The following HYDIN variants were observed in gnomAD, a reference collection of about 807,000 sequenced individuals.
The protein encoded by HYDIN is axonemal central pair apparatus protein HYDIN.
A neutral mutation model predicts 403.9 loss-of-function variants in HYDIN; 132 were observed. The ratio of observed to expected loss-of-function variants is 0.33; its 90% CI spans 0.28 to 0.38. HYDIN has a LOEUF of 0.38. Among genes scored for constraint, HYDIN ranks in the 10% least tolerant of loss-of-function variants. The pLI, the probability that HYDIN is intolerant of heterozygous loss-of-function variation, is 1.00. For synonymous variants in HYDIN, 1,202 were observed against 1,891.7 expected, an observed-to-expected ratio of 0.64 and a Z score of 9.46; for missense variants, 2,827 against 5,009.5, an observed-to-expected ratio of 0.56 and a Z score of 13.15.
At chr16:71,162,354 ATT>A (rs1280647730) in intron 6 of HYDIN, among the ~76,000 whole-genome samples, 175 bp downstream of exon 6, 7 of 142,638 alleles carry the variant, frequency 4.9e-5, no homozygotes. Context: ...TAAACCTTGA[ATT>A]TTTGTTTCCT....
intron 84 of HYDIN, 75 bp from the exon 85 acceptor site, chr16:70,810,082 G>T: frequency 1.5e-6 from 2 of 1,372,852 alleles, no homozygotes; most frequent in South Asian, 2.4e-5. Flanking sequence ...CCTGCCCAAG[G>T]CTCCATAGCA....
intron 4 of HYDIN, among the ~76,000 whole-genome samples, chr16:71,178,432 A>AT (rs1555501903): frequency 0.018 from 1,474 of 80,564 alleles, 3 homozygotes; most frequent in Middle Eastern, 0.039. Context: ...AAAAAAAAAA[A>AT]AAATATATAT....
At chr16:70,919,390 C>T (rs11864547) in intron 46 of HYDIN, among the ~76,000 whole-genome samples, 10 of 151,752 alleles carry the variant, frequency 6.6e-5, no homozygotes, top group African/African-American at 2.2e-4. Flanking sequence ...CTGGGAAGGG[C>T]GTAGAGCTGA....
chr16:71,086,761 G>T (rs7200916), intron 12 of HYDIN, among the ~76,000 whole-genome samples: 195 of 152,048 alleles, frequency 1.3e-3, no homozygotes, highest in African/African-American at 4.4e-3. Flanking sequence ...CTTATCAAAG[G>T]CCCTCATGGG....
rs1211258612 is a variant in HYDIN, at chr16:70,807,056, TGATG to T, written c.*520_*523del. Among the ~76,000 whole-genome samples the T allele has an allele frequency of 6.6e-6, 1 of 152,148 alleles. No individual in the cohort carries two copies. Among genetic ancestry groups the T allele is most frequent in the African/African-American group, 2.4e-5 (1 of 41,432 alleles). ...ATGGTATAAAAGCCAAGAGAAAAAGTGATGGGAGTGTCCCTGGATTGCCCTAATG... is the reference window on the plus strand; with the variant it reads ...ATGGTATAAAAGCCAAGAGAAAAAGTGGAGTGTCCCTGGATTGCCCTAATG... On this transcript the variant is annotated 3_prime_UTR_variant, in exon 86 of 86. Coordinates refer to ENST00000393567, the MANE Select transcript of HYDIN (RefSeq NM_001270974.2).
chr16:70,812,022 A>G (rs1217341191), intron 84 of HYDIN, among the ~76,000 whole-genome samples: 1 of 95,672 alleles, frequency 1.0e-5, no homozygotes, highest in African/African-American at 4.2e-5. Context: ...ATGAAAGAAT[A>G]CTAGTATTCC....
intron 28 of HYDIN, 111 bp downstream of exon 28, chr16:70,985,074 T>C: frequency 1.0e-6 from 1 of 958,472 alleles, no homozygotes; most frequent in South Asian, 1.9e-5. Context: ...GAGAGTTCTT[T>C]AGTTTTAACA....
At chr16:70,819,381 A>AAATTT (rs113503868) in intron 83 of HYDIN, among the ~76,000 whole-genome samples, 2 of 151,932 alleles carry the variant, frequency 1.3e-5, no homozygotes, top group African/African-American at 2.4e-5. Flanking sequence ...TAACCTTTTA[A>AAATTT]AATTTAATTT....
chr16:71,053,839 T>C (rs1396634951), intron 18 of HYDIN, among the ~76,000 whole-genome samples: 7 of 152,256 alleles, frequency 4.6e-5, no homozygotes, highest in African/African-American at 1.4e-4. Context: ...TTAACATGTG[T>C]TAATTTTTGT....
chr16:71,059,239 G>C (rs2082003108), intron 18 of HYDIN, among the ~76,000 whole-genome samples: 1 of 151,974 alleles, frequency 6.6e-6, no homozygotes, highest in Admixed American at 6.6e-5. Flanking sequence ...GTGCAGAATG[G>C]TATTTTCTAG....
chr16:71,049,627 T>C lies in HYDIN; in HGVS notation c.2529+10877A>G, dbSNP rs28691262. Among the ~76,000 whole-genome samples the C allele has an allele frequency of 3.3e-5, 5 of 152,190 alleles. No individual in the cohort carries two copies. In the East Asian group the frequency reaches 9.6e-4, roughly 29 times the overall value. On this transcript the variant is annotated intron_variant, in intron 18 of 85. Transcript: ENST00000393567. ...AGAAGAACAGCTGCAAACAATCAGG[T>C]AATGAATTCATTCTGGAACAATCAA... is the stretch of plus-strand genomic sequence containing the variant.
chr16:71,116,467 T>A (rs1293283476), intron 9 of HYDIN, among the ~76,000 whole-genome samples: 4 of 152,304 alleles, frequency 2.6e-5, no homozygotes, highest in Middle Eastern at 3.4e-3. Context: ...GCTTGGCCAT[T>A]GTGAATAATG....
intron 9 of HYDIN, among the ~76,000 whole-genome samples, chr16:71,118,836 G>C (rs1597819087): frequency 6.6e-6 from 1 of 152,244 alleles, no homozygotes; most frequent in East Asian, 1.9e-4. Context: ...TGGTGTATCA[G>C]TAGTTATCTC....
rs1159890993 is a variant in HYDIN at position 70,833,077 on chromosome 16, G to C, written c.13680-10C>G. 6.2e-7 allele frequency: 1 copy of C among 1,602,890 alleles called. No individual in the cohort carries two copies. Among genetic ancestry groups the C allele is most frequent in the African/African-American group, 1.3e-5 (1 of 74,128 alleles). Reference sequence around the variant, plus strand: ...GATGTCCCATTTAAACCTTTTCCAAGAAAAAGAAGAAAAGAAAGAGAGTTT... The same window carrying C: ...GATGTCCCATTTAAACCTTTTCCAACAAAAAGAAGAAAAGAAAGAGAGTTT... On this transcript the variant is annotated splice_polypyrimidine_tract_variant and intron_variant, in intron 79 of 85. Transcript: ENST00000393567.
chr16:71,224,593 G>A (rs1209225930), intron 1 of HYDIN, among the ~76,000 whole-genome samples: 5 of 124,544 alleles, frequency 4.0e-5, no homozygotes, highest in African/African-American at 1.2e-4. Flanking sequence ...ACGGAGTCTC[G>A]CTCTGTCGCC....
chr16:71,225,147 G>A (rs1292484835), intron 1 of HYDIN, among the ~76,000 whole-genome samples: 1 of 152,208 alleles, frequency 6.6e-6, no homozygotes, highest in Non-Finnish European at 1.5e-5. Context: ...CAGCATGAGA[G>A]CTCTGAAGTT....
At chr16:71,062,077 G>A (rs1168104235) in intron 17 of HYDIN, 92 bp downstream of exon 17, 3 of 1,105,238 alleles carry the variant, frequency 2.7e-6, no homozygotes, top group Non-Finnish European at 4.0e-6. Flanking sequence ...TGGGGTGTAT[G>A]TGAATATGGT....
intron 1 of HYDIN, among the ~76,000 whole-genome samples, chr16:71,229,455 T>A (rs965017254): frequency 1.3e-5 from 2 of 152,226 alleles, no homozygotes. Flanking sequence ...AATACCTGTA[T>A]GGGAATATTT....
At chr16:71,032,294 A>C (rs1276443433) in intron 18 of HYDIN, among the ~76,000 whole-genome samples, 1 of 130,898 alleles carries the variant, frequency 7.6e-6, no homozygotes, top group Admixed American at 7.7e-5. Context: ...ATTCTTATTT[A>C]TTTTTCCTTT....
Sources: allele counts gnomAD v4.1 joint callset (sites outside exome capture counted in the v4.1 genomes callset), GRCh38; gene constraint gnomAD v4.1.1; transcripts MANE v1.5; gene names NCBI Gene and HGNC (gene_info 2026-07-23, HGNC 2026-07-21).